The following MACROD2 variants were observed in gnomAD, a reference collection of about 807,000 sequenced individuals.
MACROD2 encodes the protein ADP-ribose glycohydrolase MACROD2.
In MACROD2, 36 loss-of-function variants were observed where a neutral mutation model predicts 70.4. The observed-to-expected ratio is 0.51, with a 90% CI of 0.39 to 0.68. The LOEUF (loss-of-function observed/expected upper bound fraction) is 0.68, where lower values mean the gene tolerates loss of function less well. Among genes scored for constraint, MACROD2 ranks in the 30% least tolerant of loss-of-function variants. The pLI, the probability that MACROD2 is intolerant of heterozygous loss-of-function variation, is 0.00. For missense variants in MACROD2, 496 were observed against 538.4 expected (o/e 0.92, Z 0.78); for synonymous variants, 172 against 178.8 (o/e 0.96, Z 0.30).
intron 5 of MACROD2, among the ~76,000 whole-genome samples, chr20:14,762,357 T>G (rs184695057): frequency 3.3e-5 from 5 of 152,266 alleles, no homozygotes; most frequent in Admixed American, 2.6e-4. Flanking sequence ...GAGTGACAGA[T>G]TCTTCTTTCT....
chr20:15,336,310 TAAG>T (rs2078047441), intron 6 of MACROD2, among the ~76,000 whole-genome samples: 1 of 148,096 alleles, frequency 6.8e-6, no homozygotes, highest in Non-Finnish European at 1.5e-5. Context: ...TGATTAGAAG[TAAG>T]AAGACAATTT....
chr20:14,426,635 G>A (rs1422688131), intron 3 of MACROD2, among the ~76,000 whole-genome samples: 1 of 152,056 alleles, frequency 6.6e-6, no homozygotes, highest in Non-Finnish European at 1.5e-5. Context: ...ATCCATTTGG[G>A]CTATTTAGTT....
intron 8 of MACROD2, among the ~76,000 whole-genome samples, chr20:15,794,516 TTA>T (rs2063655149): frequency 1.3e-5 from 2 of 152,182 alleles, no homozygotes; most frequent in Admixed American, 6.5e-5. Context: ...GAATGAATTC[TTA>T]TGTTTTGTTT....
intron 5 of MACROD2, among the ~76,000 whole-genome samples, chr20:14,817,481 A>C (rs1315366198): frequency 6.6e-6 from 1 of 152,182 alleles, no homozygotes; most frequent in Non-Finnish European, 1.5e-5. Flanking sequence ...CATGGAAGTT[A>C]ATGAAAAGTT....
At chr20:14,237,879 C>A (rs1484458819) in intron 3 of MACROD2, among the ~76,000 whole-genome samples, 3 of 151,870 alleles carry the variant, frequency 2.0e-5, no homozygotes, top group African/African-American at 7.3e-5. Context: ...TGAACTCATC[C>A]TTTTTTATGG....
intron 5 of MACROD2, among the ~76,000 whole-genome samples, chr20:14,767,532 T>G (rs1201802220): frequency 6.6e-6 from 1 of 152,038 alleles, no homozygotes; most frequent in African/African-American, 2.4e-5. Flanking sequence ...TGACTCAGAT[T>G]CCACCATTTA....
chr20:14,808,522 T>C (rs1218111439), intron 5 of MACROD2, among the ~76,000 whole-genome samples: 1 of 151,988 alleles, frequency 6.6e-6, no homozygotes, highest in African/African-American at 2.4e-5. Context: ...AGAAACTGCA[T>C]AAACTAATGG....
intron 6 of MACROD2, among the ~76,000 whole-genome samples, chr20:15,282,928 TCA>T (rs1040229033): frequency 2.6e-5 from 4 of 152,178 alleles, no homozygotes; most frequent in Non-Finnish European, 4.4e-5. Flanking sequence ...TTTAATTGAC[TCA>T]CAGTTCTGCA....
At chr20:14,897,637 A>C (rs2073846388) in intron 5 of MACROD2, among the ~76,000 whole-genome samples, 2 of 152,158 alleles carry the variant, frequency 1.3e-5, no homozygotes, top group Admixed American at 1.3e-4. Context: ...AAATGGAAGA[A>C]TGTTTTAGAA....
intron 5 of MACROD2, among the ~76,000 whole-genome samples, chr20:15,076,138 C>A (rs1249373110): frequency 6.6e-6 from 1 of 151,972 alleles, no homozygotes; most frequent in South Asian, 2.1e-4. Context: ...TATGATACTG[C>A]CTATACAATT....
chr20:15,026,375 C>G (rs998336903), intron 5 of MACROD2, among the ~76,000 whole-genome samples: 3 of 152,112 alleles, frequency 2.0e-5, no homozygotes, highest in Non-Finnish European at 4.4e-5. Flanking sequence ...TAGGTATTCT[C>G]TTATCATAGA....
At chr20:15,640,488 G>A (rs1376734152) in intron 8 of MACROD2, among the ~76,000 whole-genome samples, 1 of 152,182 alleles carries the variant, frequency 6.6e-6, no homozygotes, top group African/African-American at 2.4e-5. Flanking sequence ...CTGTGCACAT[G>A]TCCCACTGCC....
chr20:15,612,016 C>A (rs1193386766), intron 8 of MACROD2, among the ~76,000 whole-genome samples: 1 of 151,536 alleles, frequency 6.6e-6, no homozygotes, highest in Non-Finnish European at 1.5e-5. Flanking sequence ...TGCAGTACTG[C>A]CCACAGGGAG....
chr20:14,911,663 A>G (rs2074029330), intron 5 of MACROD2, among the ~76,000 whole-genome samples: 1 of 152,086 alleles, frequency 6.6e-6, no homozygotes. Context: ...GTGAGCCACC[A>G]GACCTGGCCA....
At chr20:14,273,887 A>T (rs1195460715) in intron 3 of MACROD2, among the ~76,000 whole-genome samples, 2 of 152,158 alleles carry the variant, frequency 1.3e-5, no homozygotes, top group Non-Finnish European at 2.9e-5. Flanking sequence ...ATAAACTAGA[A>T]AATCTAGAAG....
chr20:15,146,547 C>A (rs13045366), intron 5 of MACROD2, among the ~76,000 whole-genome samples: 38,308 of 152,044 alleles, frequency 0.25, 5,122 homozygotes, highest in South Asian at 0.43. Context: ...TAGAGCAGGG[C>A]GTAGTAGAGC....
chr20:14,222,496 A>T (rs1004954101), intron 3 of MACROD2, among the ~76,000 whole-genome samples: 9 of 152,080 alleles, frequency 5.9e-5, no homozygotes, highest in African/African-American at 1.2e-4. Context: ...GTGTGAGGGG[A>T]TGGGAGGAGG....
chr20:15,232,734 T>A (rs925040378), intron 6 of MACROD2, among the ~76,000 whole-genome samples: 3 of 152,072 alleles, frequency 2.0e-5, no homozygotes, highest in African/African-American at 4.8e-5. Flanking sequence ...ATGTAATTTC[T>A]TGATGTTTTT....
chr20:14,705,503 T>G (rs1333827751), intron 5 of MACROD2, among the ~76,000 whole-genome samples: 2 of 152,152 alleles, frequency 1.3e-5, no homozygotes. Context: ...TGGATTTCTT[T>G]GCCTTTTAAT....
Sources: gnomAD v4.1 joint callset for allele counts (sites outside exome capture counted in the v4.1 genomes callset) on GRCh38, gnomAD v4.1.1 for gene constraint, MANE v1.5 for transcripts, NCBI Gene and HGNC (gene_info 2026-07-23, HGNC 2026-07-21) for gene names.